The following SOX5 variants were observed in gnomAD, a reference collection of about 807,000 sequenced individuals.
SOX5 encodes the protein SRY-box transcription factor 5, also known as transcription factor SOX-5.
In SOX5, 9 loss-of-function variants were observed where a neutral mutation model predicts 92.0. That is an observed-to-expected ratio of 0.10 (90% CI 0.06 to 0.17). SOX5 has a LOEUF of 0.17. Among genes scored for constraint, SOX5 ranks in the 10% least tolerant of loss-of-function variants. The pLI is 1.00. For synonymous variants in SOX5, 344 were observed against 336.3 expected (o/e 1.02, Z -0.25); for missense variants, 642 against 944.5 (o/e 0.68, Z 4.20).
At chr12:24,315,773 T>C (rs2140854956) in intron 2 of SOX5, among the ~76,000 whole-genome samples, 1 of 152,356 alleles carries the variant, frequency 6.6e-6, no homozygotes, top group African/African-American at 2.4e-5. Context: ...GTAGTTCAGA[T>C]AAAAACCATC....
intron 1 of SOX5, among the ~76,000 whole-genome samples, chr12:24,392,497 T>C (rs1370384171): frequency 6.6e-6 from 1 of 151,980 alleles, no homozygotes; most frequent in Non-Finnish European, 1.5e-5. Context: ...CCCCAGAGTC[T>C]CCCCACAGAT....
At chr12:24,252,068 C>A (rs1282027135) in intron 3 of SOX5, among the ~76,000 whole-genome samples, 3 of 151,946 alleles carry the variant, frequency 2.0e-5, no homozygotes, top group African/African-American at 7.3e-5. Context: ...GCCAACATTA[C>A]CAAATGAACA....
rs1939338693 is a variant in SOX5, at chr12:23,532,635, C to T, written c.*1584G>A. 1 of 152,278 alleles carries T rather than the reference C, an allele frequency of 6.6e-6. No individual in the cohort carries two copies. The highest frequency in any genetic ancestry group is 1.5e-5 in the Non-Finnish European group (1 of 68,132). 9.4% of individuals were successfully genotyped at this position (152,278 alleles called of 1,614,324 possible). A position where few individuals can be genotyped will look rare whatever the true frequency, so the allele number is the denominator to read the frequency against. ...TCTGACAGCAAGGGAAGAGCAGTGG[C>T]AAGGATCCCTGGGTGCAGCCAGGCT... On this transcript the variant is annotated 3_prime_UTR_variant, in exon 15 of 15. Coordinates refer to ENST00000451604, the MANE Select transcript of SOX5 (RefSeq NM_006940.6).
intron 2 of SOX5, among the ~76,000 whole-genome samples, chr12:24,361,676 C>T (rs1955578563): frequency 6.6e-6 from 1 of 151,928 alleles, no homozygotes; most frequent in African/African-American, 2.4e-5. Flanking sequence ...CGCACATGTG[C>T]ATAAATATAC....
At chr12:23,909,711 G>A (rs536063941) in intron 1 of SOX5, among the ~76,000 whole-genome samples, 1 of 152,258 alleles carries the variant, frequency 6.6e-6, no homozygotes, top group South Asian at 2.1e-4. Flanking sequence ...GATAAAACAG[G>A]GAGGGGTGTC....
intron 1 of SOX5, among the ~76,000 whole-genome samples, chr12:23,917,347 C>A (rs1165206301): frequency 6.6e-6 from 1 of 152,046 alleles, no homozygotes; most frequent in Non-Finnish European, 1.5e-5. Context: ...TCGAGACCAG[C>A]CTGACCAATA....
intron 11 of SOX5, among the ~76,000 whole-genome samples, chr12:23,550,401 A>T (rs1943967786): frequency 6.6e-6 from 1 of 151,938 alleles, no homozygotes; most frequent in Admixed American, 6.6e-5. Context: ...ATAGTTAAAC[A>T]TGTGTTAGAT....
At chr12:23,882,468 A>T (rs2097005412) in intron 2 of SOX5, among the ~76,000 whole-genome samples, 1 of 152,148 alleles carries the variant, frequency 6.6e-6, no homozygotes, top group African/African-American at 2.4e-5. Flanking sequence ...CAGGAAAATT[A>T]AGCAATTTTA....
chr12:23,799,737 T>C (rs532714636), intron 3 of SOX5, among the ~76,000 whole-genome samples: 1 of 152,162 alleles, frequency 6.6e-6, no homozygotes, highest in Non-Finnish European at 1.5e-5. Context: ...TTATTAATAC[T>C]AACAAAATTT....
At chr12:23,806,407 ACT>A (rs1356672318) in intron 3 of SOX5, among the ~76,000 whole-genome samples, 2 of 152,022 alleles carry the variant, frequency 1.3e-5, no homozygotes, top group Non-Finnish European at 1.5e-5. Flanking sequence ...TGGCTACAAC[ACT>A]CTGCTCCTAA....
At chr12:24,200,921 G>A (rs1297128235) in intron 4 of SOX5, among the ~76,000 whole-genome samples, 1 of 152,168 alleles carries the variant, frequency 6.6e-6, no homozygotes, top group Non-Finnish European at 1.5e-5. Flanking sequence ...GCAGAGCACT[G>A]GAATTCAGTT....
Position 23,656,004 on chromosome 12 carries a change from G to A in SOX5, c.931+9440C>T, listed in dbSNP as rs1351886764. The stretch of plus-strand genomic sequence containing the variant: ...ACAATAATTTGACTTCTTTAGAAAT[G>A]CATATACTCATCCCATCCACATTTT... On this transcript the variant is annotated intron_variant, in intron 7 of 14. Coordinates refer to ENST00000451604, the MANE Select transcript of SOX5 (RefSeq NM_006940.6). 2.6e-5 allele frequency among the ~76,000 whole-genome samples: 4 copies of A among 152,080 alleles called. No individual in the cohort carries two copies. The East Asian group carries it at 7.7e-4, about 29-fold the overall frequency.
intron 2 of SOX5, among the ~76,000 whole-genome samples, chr12:24,346,132 C>G (rs1282117465): frequency 2.0e-5 from 3 of 152,218 alleles, no homozygotes; most frequent in Admixed American, 2.0e-4. Context: ...CTTCTAGATT[C>G]AGGTCCTTTT....
intron 4 of SOX5, among the ~76,000 whole-genome samples, chr12:24,063,136 A>T (rs906668748): frequency 6.6e-6 from 1 of 152,110 alleles, no homozygotes; most frequent in Non-Finnish European, 1.5e-5. Context: ...TCACCCACAC[A>T]CTCACTTCTC....
chr12:23,932,363 T>C (rs999334726), intron 1 of SOX5, among the ~76,000 whole-genome samples: 4 of 151,680 alleles, frequency 2.6e-5, no homozygotes, highest in African/African-American at 9.7e-5. Flanking sequence ...TATCTGATGC[T>C]TGACTGGACC....
chr12:24,207,843 A>G (rs1329118549), intron 4 of SOX5, among the ~76,000 whole-genome samples: 1 of 152,194 alleles, frequency 6.6e-6, no homozygotes, highest in Non-Finnish European at 1.5e-5. Flanking sequence ...ATATAGCTGC[A>G]TCGTCAACTC....
intron 4 of SOX5, among the ~76,000 whole-genome samples, chr12:24,041,662 A>T (rs1488311790): frequency 6.6e-6 from 1 of 152,138 alleles, no homozygotes; most frequent in Admixed American, 6.5e-5. Context: ...TCTACTGGTG[A>T]ACAAAATATT....
intron 4 of SOX5, among the ~76,000 whole-genome samples, chr12:23,982,299 C>A (rs1949647880): frequency 6.6e-6 from 1 of 152,196 alleles, no homozygotes; most frequent in Non-Finnish European, 1.5e-5. Flanking sequence ...ACCTGTGAAA[C>A]AGGAAAAACT....
At chr12:24,017,003 C>T (rs541769984) in intron 4 of SOX5, among the ~76,000 whole-genome samples, 2 of 152,068 alleles carry the variant, frequency 1.3e-5, no homozygotes, top group East Asian at 1.9e-4. Context: ...GTAATATAGT[C>T]GGTGGAAATA....
Sources: gnomAD v4.1 joint callset for allele counts (sites outside exome capture counted in the v4.1 genomes callset) on GRCh38, gnomAD v4.1.1 for gene constraint, MANE v1.5 for transcripts, NCBI Gene and HGNC (gene_info 2026-07-23, HGNC 2026-07-21) for gene names.